CFAP61: variants seen among roughly 807,000 people sequenced by gnomAD.
CFAP61 encodes the protein cilia and flagella associated protein 61, also known as cilia- and flagella-associated protein 61.
CFAP61 carries 107 observed loss-of-function variants against 135.6 expected under a neutral mutation model. The observed-to-expected ratio is 0.79, with a 90% CI of 0.67 to 0.93. The LOEUF is 0.93. CFAP61 is among the 40% of genes least tolerant of loss of function. The pLI is 0.00. For synonymous variants in CFAP61, 575 were observed against 578.5 expected (o/e 0.99, Z 0.09); for missense variants, 1,507 against 1,556.2 (o/e 0.97, Z 0.53).
chr20:20,062,177 G>T (rs2044855098), intron 2 of CFAP61, among the ~76,000 whole-genome samples: 2 of 152,084 alleles, frequency 1.3e-5, no homozygotes, highest in Non-Finnish European at 2.9e-5. Context: ...ACTCTTCCAG[G>T]CACACCCCAG....
chr20:20,093,884 C>A (rs972581835), intron 7 of CFAP61, among the ~76,000 whole-genome samples: 1 of 151,610 alleles, frequency 6.6e-6, no homozygotes, highest in East Asian at 2.0e-4. Context: ...TTTGGACACT[C>A]ACTATGTTGC....
chr20:20,246,954 G>A (rs1411974458), intron 19 of CFAP61, among the ~76,000 whole-genome samples: 8 of 152,098 alleles, frequency 5.3e-5, no homozygotes, highest in Non-Finnish European at 1.0e-4. Flanking sequence ...GAACGGGTTC[G>A]TTTCCACTTT....
chr20:20,154,277 T>C (rs1313500181), intron 9 of CFAP61, among the ~76,000 whole-genome samples: 1 of 151,918 alleles, frequency 6.6e-6, no homozygotes, highest in African/African-American at 2.4e-5. Context: ...TTGAAATCAT[T>C]CCCCCTGAGA....
intron 8 of CFAP61, among the ~76,000 whole-genome samples, chr20:20,139,432 C>T (rs983036916): frequency 1.3e-5 from 2 of 152,094 alleles, no homozygotes; most frequent in African/African-American, 4.8e-5. Flanking sequence ...TAGAGTAAAC[C>T]AATAGTTCAT....
intron 24 of CFAP61, among the ~76,000 whole-genome samples, chr20:20,292,633 G>T (rs922717736): frequency 2.6e-5 from 4 of 152,140 alleles, no homozygotes; most frequent in African/African-American, 9.7e-5. Context: ...TACTAAATCC[G>T]AAAGCTTGTT....
At chr20:20,186,689 GTTAA>G (rs1265337680) in intron 13 of CFAP61, among the ~76,000 whole-genome samples, 2 of 151,904 alleles carry the variant, frequency 1.3e-5, no homozygotes, top group Admixed American at 6.6e-5. Flanking sequence ...CTTTTTATTA[GTTAA>G]TTATAGATAC....
chr20:20,336,035 G>A (rs761234745), intron 25 of CFAP61, among the ~76,000 whole-genome samples: 9 of 152,136 alleles, frequency 5.9e-5, no homozygotes, highest in Non-Finnish European at 1.3e-4. Flanking sequence ...ATTAGAATTA[G>A]GATGAAATGA....
Position 20,262,963 on chromosome 20 carries a change from G to C in CFAP61, c.2336G>C (p.Cys779Ser), listed in dbSNP as rs1203545484. 1 of 1,609,330 alleles carries C rather than the reference G, an allele frequency of 6.2e-7. No individual in the cohort carries two copies. The highest frequency in any genetic ancestry group is 1.7e-5 in the Admixed American group (1 of 59,646). The change falls in exon 21 of 27, where the codon TGC (cysteine) becomes TCC (serine). Residue 779 changes from cysteine to serine, a missense_variant. Coordinates refer to ENST00000245957, the MANE Select transcript of CFAP61 (RefSeq NM_015585.4). ...TTCTCTAACATGCTTCAGGTCCCAT[G>C]CCCTACAGAGGCTGATATTAGTCAA... Reference protein sequence around the residue: ...LCTGQQYQVPCPTEADISQHL... With the variant: ...LCTGQQYQVPSPTEADISQHL...
intron 17 of CFAP61, among the ~76,000 whole-genome samples, chr20:20,213,010 G>A (rs2047768150): frequency 6.6e-6 from 1 of 152,076 alleles, no homozygotes; most frequent in Admixed American, 6.5e-5. Context: ...GGAGGGGAGG[G>A]TGGGAACAGG....
At chr20:20,258,309 A>G (rs1221243941) in intron 20 of CFAP61, 2 of 152,216 alleles carry the variant, frequency 1.3e-5, no homozygotes, top group Non-Finnish European at 1.5e-5. Context: ...ATCTTGATCA[A>G]GGGTAAAATC....
intron 25 of CFAP61, among the ~76,000 whole-genome samples, chr20:20,306,068 G>A (rs945422430): frequency 1.3e-5 from 2 of 152,164 alleles, no homozygotes; most frequent in Non-Finnish European, 2.9e-5. Context: ...AAAACTAGGG[G>A]TCTTTTTTAG....
intron 14 of CFAP61, among the ~76,000 whole-genome samples, chr20:20,190,094 T>C (rs1358957726): frequency 6.6e-6 from 1 of 152,230 alleles, no homozygotes; most frequent in Non-Finnish European, 1.5e-5. Flanking sequence ...ATTGACTGTT[T>C]ATTTAAAAAC....
At chr20:20,092,973 C>T (rs191794618) in intron 7 of CFAP61, among the ~76,000 whole-genome samples, 15 of 152,250 alleles carry the variant, frequency 9.9e-5, no homozygotes, top group Admixed American at 8.5e-4. Flanking sequence ...ATTCCATACA[C>T]AGAATTGAAA....
intron 9 of CFAP61, among the ~76,000 whole-genome samples, chr20:20,153,639 A>G (rs2052637093): frequency 1.3e-5 from 2 of 152,142 alleles, no homozygotes; most frequent in Admixed American, 1.3e-4. Flanking sequence ...CTGGAAATAT[A>G]CAACCCTCCT....
At chr20:20,342,658 C>T (rs1205135245) in intron 26 of CFAP61, among the ~76,000 whole-genome samples, 1 of 152,164 alleles carries the variant, frequency 6.6e-6, no homozygotes, top group Non-Finnish European at 1.5e-5. Context: ...ACTCCCACAT[C>T]TCCATTGTCA....
intron 16 of CFAP61, among the ~76,000 whole-genome samples, chr20:20,199,125 A>G (rs982470521): frequency 2.6e-5 from 4 of 152,226 alleles, no homozygotes; most frequent in African/African-American, 7.2e-5. Flanking sequence ...GTTCATTTCA[A>G]TAAGTATAAA....
chr20:20,113,410 G>A (rs1027602879), intron 8 of CFAP61, among the ~76,000 whole-genome samples: 1 of 152,014 alleles, frequency 6.6e-6, no homozygotes, highest in African/African-American at 2.4e-5. Context: ...AAGTATCTTC[G>A]CTCCATCTAA....
rs531457049 is a variant in CFAP61 at position 20,120,117 on chromosome 20, G to C, written c.859+21303G>C. Among the ~76,000 whole-genome samples the C allele has an allele frequency of 2.7e-4, 41 of 152,124 alleles. No individual in the cohort carries two copies. In the South Asian group the frequency reaches 7.9e-3, roughly 29 times the overall value. On this transcript the variant is annotated intron_variant, in intron 8 of 26. Transcript: ENST00000245957. ...ATGATAGAACAATTTATATTCCTTT[G>C]GTTAAATACTCAGTAATGAGATTTT...
At chr20:20,231,992 CAT>C (rs1048126358) in intron 18 of CFAP61, among the ~76,000 whole-genome samples, 2 of 152,010 alleles carry the variant, frequency 1.3e-5, no homozygotes, top group African/African-American at 4.8e-5. Context: ...TATGATGTCA[CAT>C]GTGCATTTTC....
Sources: gnomAD v4.1 joint callset for allele counts (sites outside exome capture counted in the v4.1 genomes callset) on GRCh38, gnomAD v4.1.1 for gene constraint, MANE v1.5 for transcripts, NCBI Gene and HGNC (gene_info 2026-07-23, HGNC 2026-07-21) for gene names.